The following RNF212 variants were observed in gnomAD, a reference collection of about 807,000 sequenced individuals.
The protein encoded by RNF212 is probable E3 SUMO-protein ligase RNF212.
In RNF212, 33 loss-of-function variants were observed where a neutral mutation model predicts 34.7. The observed-to-expected ratio is 0.95, with a 90% CI of 0.72 to 1.27. The LOEUF is 1.27. Ranked by LOEUF, RNF212 falls within the 50% of genes most tolerant of loss-of-function variation. The pLI, the probability that RNF212 is intolerant of heterozygous loss-of-function variation, is 0.00. For missense variants in RNF212, 377 were observed against 362.2 expected (o/e 1.04, Z -0.33); for synonymous variants, 140 against 136.1 (o/e 1.03, Z -0.20).
At chr4:1,060,131 C>T (rs1275853773) in intron 3 of RNF212, among the ~76,000 whole-genome samples, 1 of 149,914 alleles carries the variant, frequency 6.7e-6, no homozygotes, top group Non-Finnish European at 1.5e-5. Context: ...GAAATTGTTT[C>T]CTATTTACTC....
chr4:1,071,267 A>G (rs1718468263), downstream of RNF212, among the ~76,000 whole-genome samples: 1 of 152,028 alleles, frequency 6.6e-6, no homozygotes, highest in African/African-American at 2.4e-5. Context: ...ATTTTAAAAA[A>G]ACTAACTTGG....
chr4:1,106,198 G>A (rs1724798247), intron 2 of RNF212, among the ~76,000 whole-genome samples: 1 of 151,616 alleles, frequency 6.6e-6, no homozygotes. Flanking sequence ...GTCTGTGATG[G>A]TTTAGAGAAA....
intron 2 of RNF212, chr4:1,100,132 ATCT>A: frequency 9.0e-6 from 3 of 334,238 alleles, no homozygotes; most frequent in Non-Finnish European, 1.8e-5. Context: ...CACTAATTTC[ATCT>A]TCTTTTGCTT....
intron 3 of RNF212, among the ~76,000 whole-genome samples, chr4:1,058,738 T>C (rs916093298): frequency 5.3e-5 from 8 of 152,084 alleles, no homozygotes; most frequent in African/African-American, 1.9e-4. Context: ...AACTGGCCAG[T>C]CCCAGCTGAG....
intron 5 of RNF212, among the ~76,000 whole-genome samples, chr4:1,082,959 T>C (rs1302803033): frequency 6.6e-6 from 1 of 151,688 alleles, no homozygotes; most frequent in African/African-American, 2.4e-5. Flanking sequence ...AAAACAACAA[T>C]GACAACAAAA....
At chr4:1,111,070 C>T (rs1271873979) in intron 1 of RNF212, among the ~76,000 whole-genome samples, 1 of 152,224 alleles carries the variant, frequency 6.6e-6, no homozygotes, top group East Asian at 1.9e-4. Flanking sequence ...TCATTCCTAA[C>T]AATGTTATCT....
Position 1,072,647 on chromosome 4 carries a change from A to G in RNF212, c.*227T>C, listed in dbSNP as rs930275745. 1.7e-5 allele frequency: 19 copies of G among 1,116,498 alleles called. No homozygotes were observed. Among genetic ancestry groups the G allele is most frequent in the Non-Finnish European group, 2.0e-5 (18 of 884,306 alleles). 69.2% of individuals were successfully genotyped at this position (1,116,498 alleles called of 1,614,324 possible). ...AAAAACTCCCTAAGCATGAGAACCT[A>G]TAAAATAAAAGGGATAATAACAATA... On this transcript the variant is annotated 3_prime_UTR_variant, in exon 10 of 10. Coordinates refer to ENST00000433731, the MANE Select transcript of RNF212 (RefSeq NM_001131034.4).
At chr4:1,110,928 C>T (rs1347891554) in intron 1 of RNF212, among the ~76,000 whole-genome samples, 1 of 152,204 alleles carries the variant, frequency 6.6e-6, no homozygotes, top group African/African-American at 2.4e-5. Context: ...GCTAGGCAAA[C>T]CTGTGAATCT....
chr4:1,099,855 T>C, intron 2 of RNF212: 1 of 456,192 alleles, frequency 2.2e-6, no homozygotes, highest in Non-Finnish European at 4.4e-6. Flanking sequence ...CTGTGCGGGA[T>C]CCACGGGGCT....
chr4:1,093,800 G>A, intron 3 of RNF212: 1 of 1,536,336 alleles, frequency 6.5e-7, no homozygotes, highest in Non-Finnish European at 8.7e-7. Flanking sequence ...CAGGGTGAGG[G>A]GGTGAGGTGC....
intron 8 of RNF212, among the ~76,000 whole-genome samples, chr4:1,075,746 C>CCTCA (rs1033968938): frequency 6.6e-6 from 1 of 152,196 alleles, no homozygotes; most frequent in African/African-American, 2.4e-5. Flanking sequence ...CAGTCACTCA[C>CCTCA]CTCACTGCAG....
At chr4:1,058,315 C>G in intron 4 of RNF212, 1 of 943,890 alleles carries the variant, frequency 1.1e-6, no homozygotes, top group South Asian at 5.1e-5. Context: ...TGCGGGGGGG[C>G]ACTACCTGAG....
intron 1 of RNF212, among the ~76,000 whole-genome samples, chr4:1,112,659 T>C (rs1327612052): frequency 7.3e-6 from 1 of 136,828 alleles, no homozygotes; most frequent in Non-Finnish European, 1.6e-5. Context: ...AGCCCCCGAC[T>C]GACAGGACTC....
chr4:1,075,553 T>A (rs1415454427), intron 8 of RNF212, among the ~76,000 whole-genome samples: 1 of 152,214 alleles, frequency 6.6e-6, no homozygotes, highest in African/African-American at 2.4e-5. Context: ...CCACCAGGGA[T>A]CTGCCCCCAT....
At chr4:1,067,688 A>G (rs1006592804), downstream of RNF212, among the ~76,000 whole-genome samples, 1 of 152,084 alleles carries the variant, frequency 6.6e-6, no homozygotes, top group African/African-American at 2.4e-5. Context: ...AACATGGTGA[A>G]CTCCGTCTCT....
intron 3 of RNF212, among the ~76,000 whole-genome samples, chr4:1,065,592 T>C (rs1213259811): frequency 1.3e-5 from 2 of 151,946 alleles, no homozygotes; most frequent in African/African-American, 4.8e-5. Context: ...CTCAGCATCC[T>C]GAGAAGCTGG....
At chr4:1,069,283 AG>A (rs1460200099), downstream of RNF212, among the ~76,000 whole-genome samples, 4 of 152,234 alleles carry the variant, frequency 2.6e-5, no homozygotes, top group African/African-American at 9.6e-5. Flanking sequence ...ATTGGGTAAA[AG>A]AAAAAGCTCT....
chr4:1,077,911 A>G (rs1719587393), intron 8 of RNF212, among the ~76,000 whole-genome samples: 1 of 152,196 alleles, frequency 6.6e-6, no homozygotes. Context: ...CGTGGCCATG[A>G]GGATGGCAGA....
At chr4:1,057,507 C>T (rs1417336454) in intron 4 of RNF212, among the ~76,000 whole-genome samples, 1 of 152,166 alleles carries the variant, frequency 6.6e-6, no homozygotes, top group Non-Finnish European at 1.5e-5. Context: ...TGAGTCCAGC[C>T]TGCCACCTGT....
Sources: gnomAD v4.1 joint callset for allele counts (sites outside exome capture counted in the v4.1 genomes callset) on GRCh38, gnomAD v4.1.1 for gene constraint, MANE v1.5 for transcripts, NCBI Gene and HGNC (gene_info 2026-07-23, HGNC 2026-07-21) for gene names.